STRN3: variants seen among roughly 807,000 people sequenced by gnomAD.
STRN3 encodes striatin-3.
A neutral mutation model predicts 95.6 loss-of-function variants in STRN3; 29 were observed. The ratio of observed to expected loss-of-function variants is 0.30; its 90% CI spans 0.23 to 0.41. The LOEUF is 0.41. STRN3 is among the 10% of genes least tolerant of loss of function. The pLI, the probability that STRN3 is intolerant of heterozygous loss-of-function variation, is 1.00. For missense variants in STRN3, 890 were observed against 972.1 expected (o/e 0.92, Z 1.12); for synonymous variants, 331 against 357.6 (o/e 0.93, Z 0.84).
intron 1 of STRN3, among the ~76,000 whole-genome samples, chr14:30,982,282 G>A (rs909662029): frequency 6.6e-5 from 10 of 152,000 alleles, no homozygotes; most frequent in African/African-American, 2.4e-4. Context: ...CATGGCAACA[G>A]GTGGTTTAAA....
At chr14:31,025,865 A>G in intron 1 of STRN3, 39 bp downstream of exon 1, 6 of 1,576,742 alleles carry the variant, frequency 3.8e-6, no homozygotes, top group East Asian at 2.4e-5. Flanking sequence ...CCGGGAACCC[A>G]GCCGCCGCAG....
intron 1 of STRN3, 47 bp from the exon 2 acceptor site, chr14:30,956,289 C>T (rs1475762678): frequency 1.9e-6 from 3 of 1,543,942 alleles, no homozygotes; most frequent in African/African-American, 1.4e-5. Context: ...CTTAACCATA[C>T]ATAGGAAACT....
intron 2 of STRN3, among the ~76,000 whole-genome samples, 177 bp downstream of exon 2, chr14:30,955,962 A>T (rs1879882761): frequency 6.6e-6 from 1 of 152,176 alleles, no homozygotes; most frequent in African/African-American, 2.4e-5. Flanking sequence ...ATTTCAATTG[A>T]ATTATTTTAA....
In STRN3 at chr14:30,978,409, C is replaced by T. The variant is rs1304787729; in HGVS notation, c.283-22167G>A. On this transcript the variant is annotated intron_variant, in intron 1 of 17. Transcript: ENST00000357479. ...CAATAGATACAGAAAAGAACAAAAT[C>T]TTATACCCATTCATGACAAAAACTC... 2.0e-5 allele frequency among the ~76,000 whole-genome samples: 3 copies of T among 152,234 alleles called. No individual in the cohort carries two copies. In the East Asian group the frequency reaches 5.8e-4, roughly 29 times the overall value.
In STRN3 at chr14:30,912,057, C is replaced by T. The variant is rs1254210709; in HGVS notation, c.1500G>A (p.Glu500=). 8.7e-6 allele frequency: 14 copies of T among 1,614,008 alleles called. No individual in the cohort carries two copies. The highest frequency in any genetic ancestry group is 5.0e-5 in the Admixed American group (3 of 59,988). The change falls in exon 11 of 18, where the codon GAG becomes GAA. Residue 500 remains glutamate, a synonymous_variant. Coordinates refer to ENST00000357479, the MANE Select transcript of STRN3 (RefSeq NM_001083893.2). ...PVEPVLVTAS[E]DHTLKLWNLQ... is the part of the protein sequence containing the mutation. ...GGTTCCAAAGTTTCAGGGTATGGTC[C>T]TCAGAAGCAGTAACCAGCACAGGTT...
chr14:31,013,901 TA>T (rs1883109544), intron 1 of STRN3, among the ~76,000 whole-genome samples: 1 of 126,478 alleles, frequency 7.9e-6, no homozygotes, highest in Non-Finnish European at 1.8e-5. Flanking sequence ...TTATTATTAT[TA>T]TTATTATTAT....
intron 1 of STRN3, among the ~76,000 whole-genome samples, chr14:30,967,870 A>T (rs1217370396): frequency 6.6e-6 from 1 of 152,218 alleles, no homozygotes; most frequent in Non-Finnish European, 1.5e-5. Context: ...CAAAGATCCG[A>T]CCAGACCTAG....
chr14:30,913,362 G>A (rs897104650), intron 10 of STRN3, among the ~76,000 whole-genome samples, 162 bp downstream of exon 10: 13 of 151,836 alleles, frequency 8.6e-5, no homozygotes, highest in African/African-American at 2.7e-4. Flanking sequence ...ATACCACAAA[G>A]AGAGTAGTTA....
At chr14:31,013,548 C>G (rs747000398) in intron 1 of STRN3, among the ~76,000 whole-genome samples, 1 of 151,946 alleles carries the variant, frequency 6.6e-6, no homozygotes. Context: ...GGGTGGTAGA[C>G]AGGATCATGG....
chr14:30,971,623 T>G (rs952751051), intron 1 of STRN3, among the ~76,000 whole-genome samples: 3 of 152,180 alleles, frequency 2.0e-5, no homozygotes, highest in Admixed American at 2.0e-4. Flanking sequence ...GGATTTTGCA[T>G]CATGATTAAA....
intron 1 of STRN3, among the ~76,000 whole-genome samples, chr14:30,957,815 C>A (rs1879995325): frequency 6.6e-6 from 1 of 152,142 alleles, no homozygotes; most frequent in Non-Finnish European, 1.5e-5. Context: ...GACAATAAAA[C>A]TAATTTTCAC....
chr14:30,965,276 G>C (rs1218392895), intron 1 of STRN3, among the ~76,000 whole-genome samples: 1 of 152,134 alleles, frequency 6.6e-6, no homozygotes, highest in East Asian at 1.9e-4. Context: ...AAGACAGCAG[G>C]CCAATCCAGA....
intron 1 of STRN3, among the ~76,000 whole-genome samples, chr14:30,958,254 T>G (rs1161627998): frequency 6.6e-6 from 1 of 152,020 alleles, no homozygotes; most frequent in African/African-American, 2.4e-5. Context: ...GAGGCTAGAG[T>G]GAGCTACGAT....
At chr14:30,972,394 T>G (rs1443024928) in intron 1 of STRN3, among the ~76,000 whole-genome samples, 1 of 152,188 alleles carries the variant, frequency 6.6e-6, no homozygotes, top group Non-Finnish European at 1.5e-5. Context: ...AGGGGCCACA[T>G]GCATCAGGGA....
intron 13 of STRN3, among the ~76,000 whole-genome samples, chr14:30,910,059 T>C (rs1343071858): frequency 6.6e-6 from 1 of 152,176 alleles, no homozygotes; most frequent in Non-Finnish European, 1.5e-5. Context: ...TTTCCACTCT[T>C]CTCGCCCCCA....
At chr14:30,994,118 C>T (rs571497497) in intron 1 of STRN3, among the ~76,000 whole-genome samples, 4 of 151,886 alleles carry the variant, frequency 2.6e-5, no homozygotes, top group Non-Finnish European at 1.5e-5. Flanking sequence ...TCAGGTGATC[C>T]GCCCGCCTCG....
chr14:30,918,461 A>T (rs528505292), intron 9 of STRN3, among the ~76,000 whole-genome samples: 2 of 151,954 alleles, frequency 1.3e-5, no homozygotes, highest in East Asian at 3.9e-4. Flanking sequence ...GTGAGCCGAG[A>T]TCATGCCACT....
intron 7 of STRN3, among the ~76,000 whole-genome samples, chr14:30,933,299 A>AAAAC: frequency 6.6e-6 from 1 of 150,550 alleles, no homozygotes; most frequent in African/African-American, 2.4e-5. Flanking sequence ...AAAAAAAAAA[A>AAAAC]AAAAAACGAT....
At position 30,905,440 on chromosome 14, in the gene STRN3, T is replaced by G; in HGVS notation, c.2007A>C (p.Ile669=). Residue 669 remains isoleucine (I), a synonymous_variant, in exon 15 of 18, where the codon ATA becomes ATC. Coordinates refer to ENST00000357479, the MANE Select transcript of STRN3 (RefSeq NM_001083893.2). The stretch of plus-strand genomic sequence containing the variant: ...TACCAGAATCTACCTGTGATGAAAG[T>G]ATCACCAATGACTGTGATGTTTCTA... The part of the protein sequence containing the change: ...YDLETSQSLV[I]LSSQVDSGLQ... The G allele has an allele frequency of 6.2e-7, 1 of 1,603,852 alleles. No individual in the cohort carries two copies. The highest frequency in any genetic ancestry group is 1.3e-5 in the African/African-American group (1 of 74,696).
Sources: gnomAD v4.1 joint callset for allele counts (sites outside exome capture counted in the v4.1 genomes callset) on GRCh38, gnomAD v4.1.1 for gene constraint, MANE v1.5 for transcripts, NCBI Gene and HGNC (gene_info 2026-07-23, HGNC 2026-07-21) for gene names.